Variants in ASRGL1 observed in about 807,000 individuals in gnomAD.
The protein encoded by ASRGL1 is asparaginase and isoaspartyl peptidase 1.
ASRGL1 carries 16 observed loss-of-function variants against 22.4 expected under a neutral mutation model. The observed-to-expected ratio is 0.71, with a 90% confidence interval of 0.48 to 1.08. The LOEUF is 1.08. Among genes scored for constraint, ASRGL1 ranks in the 50% least tolerant of loss-of-function variants. The probability of loss-of-function intolerance (pLI) is 0.00; values close to 1 mark genes in which losing one functional copy is unlikely to be tolerated. For synonymous variants in ASRGL1, 165 were observed against 159.3 expected (o/e 1.04, Z -0.27); for missense variants, 412 against 410.1 (o/e 1.00, Z -0.04).
chr11:62,371,474 A>C, intron 4 of ASRGL1: 1 of 628,736 alleles, frequency 1.6e-6, no homozygotes, highest in Non-Finnish European at 2.8e-6. Context: ...AGGGCTGTGC[A>C]GGCTGTGCTT....
At chr11:62,391,373 C>A (rs1009254602) in intron 5 of ASRGL1, 149 bp from the exon 6 acceptor site, 226 of 1,224,292 alleles carry the variant, frequency 1.8e-4, no homozygotes, top group Non-Finnish European at 2.3e-4. Context: ...TCTAGTCCAC[C>A]TTTGCCTCCG....
intron 1 of ASRGL1, 116 bp downstream of exon 1, chr11:62,337,690 T>C: frequency 2.7e-6 from 1 of 367,836 alleles, no homozygotes; most frequent in African/African-American, 2.1e-5. Context: ...CGCCGGGGCT[T>C]GGAGGCGGGC....
chr11:62,381,028 G>A (rs929965690), intron 4 of ASRGL1, among the ~76,000 whole-genome samples: 2 of 152,168 alleles, frequency 1.3e-5, no homozygotes, highest in Non-Finnish European at 2.9e-5. Flanking sequence ...CTGATTTTCT[G>A]GGGGCGGCCG....
chr11:62,399,544 G>T, the ASRGL1 span, among the ~76,000 whole-genome samples: 1 of 152,330 alleles, frequency 6.6e-6, no homozygotes, highest in Admixed American at 6.5e-5. Context: ...CACTGCTCCT[G>T]TCTCTAACCA....
chr11:62,351,034 A>AT (rs1458757981), intron 2 of ASRGL1, among the ~76,000 whole-genome samples: 1 of 151,986 alleles, frequency 6.6e-6, no homozygotes, highest in East Asian at 1.9e-4. Flanking sequence ...CTTTATATAG[A>AT]TTTTTTAGCT....
chr11:62,356,488 C>T, intron 3 of ASRGL1, 21 bp downstream of exon 3: 1 of 1,612,630 alleles, frequency 6.2e-7, no homozygotes, highest in Non-Finnish European at 8.5e-7. Context: ...CTAAAGCAGC[C>T]TTTTCCTAAT....
At chr11:62,337,773 A>C in intron 1 of ASRGL1, 117 bp from the exon 2 acceptor site, 5 of 508,582 alleles carry the variant, frequency 9.8e-6, no homozygotes, top group Non-Finnish European at 1.4e-5. Flanking sequence ...GCGGAGAGGA[A>C]CGCGGGAGGG....
At chr11:62,372,537 C>A in intron 4 of ASRGL1, 1 of 956,672 alleles carries the variant, frequency 1.0e-6, no homozygotes, top group Non-Finnish European at 1.7e-6. Flanking sequence ...AACTAGTTCC[C>A]CAGCGAGTGG....
chr11:62,379,741 A>G (rs1291754665), intron 4 of ASRGL1, among the ~76,000 whole-genome samples: 2 of 152,068 alleles, frequency 1.3e-5, no homozygotes, highest in Non-Finnish European at 2.9e-5. Context: ...CAATTGTTGT[A>G]TTGTGGTAAC....
intron 4 of ASRGL1, among the ~76,000 whole-genome samples, chr11:62,378,803 G>C (rs1203941400): frequency 6.6e-6 from 1 of 152,064 alleles, no homozygotes; most frequent in Non-Finnish European, 1.5e-5. Context: ...TGTTTTGGTA[G>C]CGGCCACTGA....
intron 2 of ASRGL1, among the ~76,000 whole-genome samples, chr11:62,339,272 GA>G (rs1031173403): frequency 6.6e-6 from 1 of 152,262 alleles, no homozygotes; most frequent in African/African-American, 2.4e-5. Context: ...AGTCCCGCTG[GA>G]ATTTGGTATC....
chr11:62,362,891 A>ATTTTTTTTTTTTT (rs60507577), intron 4 of ASRGL1, among the ~76,000 whole-genome samples: 4 of 50,366 alleles, frequency 7.9e-5, no homozygotes, highest in African/African-American at 1.9e-4. Flanking sequence ...AAAGGATTTA[A>ATTTTTTTTTTTTT]TTTTTTTTTT....
chr11:62,380,866 T>G (rs1947049100), intron 4 of ASRGL1, among the ~76,000 whole-genome samples: 1 of 152,190 alleles, frequency 6.6e-6, no homozygotes, highest in Non-Finnish European at 1.5e-5. Context: ...TTGCCACGCC[T>G]CAATATCTCC....
At position 62,356,512 on chromosome 11, in the gene ASRGL1, T is replaced by C. The variant is rs1409065670; in HGVS notation, c.333+45T>C. The C allele has an allele frequency of 5.6e-6, 9 of 1,597,468 alleles. No homozygotes were observed. In the Admixed American group the frequency reaches 1.5e-4, roughly 27 times the overall value. ...CCTTTTCCTAATGAATTGTTATTGT[T>C]ATACTGCAGTGATAAGGGCTCCAAC... On this transcript the variant is annotated intron_variant, in intron 3 of 6. Coordinates refer to ENST00000415229, the MANE Select transcript of ASRGL1 (RefSeq NM_001083926.2).
chr11:62,373,288 G>A (rs1946824286), intron 4 of ASRGL1: 3 of 655,456 alleles, frequency 4.6e-6, no homozygotes, highest in Non-Finnish European at 8.2e-6. Flanking sequence ...GACCGAAGGT[G>A]CATTTTTATT....
At position 62,392,593 on chromosome 11, in the gene ASRGL1, GA is replaced by G; in HGVS notation, c.*315del. On this transcript the variant is annotated 3_prime_UTR_variant, in exon 7 of 7. Coordinates refer to ENST00000415229, the MANE Select transcript of ASRGL1 (RefSeq NM_001083926.2). Reference sequence around the variant, plus strand: ...CAAAAAAAAAAAAAAAAAGAAAAGGGAAAAAAGAAAGAAAGCAGCAGCATGA... The same window carrying G: ...CAAAAAAAAAAAAAAAAAGAAAAGGGAAAAAGAAAGAAAGCAGCAGCATGA... 1 of 387,586 alleles carries G rather than the reference GA, an allele frequency of 2.6e-6. No individual in the cohort carries two copies. The highest frequency in any genetic ancestry group is 4.8e-6 in the Non-Finnish European group (1 of 210,430). 24.0% of individuals were successfully genotyped at this position (387,586 alleles called of 1,614,324 possible). A position where few individuals can be genotyped will look rare whatever the true frequency, so the allele number is the denominator to read the frequency against.
rs1266378160 is a variant in ASRGL1 at position 62,372,740 on chromosome 11, A to G, written c.491+15596A>G. 10 of 1,511,908 alleles carry G rather than the reference A, an allele frequency of 6.6e-6. No homozygotes were observed. The East Asian group carries it at 2.0e-4, about 31-fold the overall frequency. The allele number at this position is 1,511,908 out of a possible 1,614,324, so 93.7% of individuals were successfully genotyped here. On this transcript the variant is annotated intron_variant, in intron 4 of 6. Coordinates refer to ENST00000415229, the MANE Select transcript of ASRGL1 (RefSeq NM_001083926.2). ...AGATGGTCCCCCGCCTGGTGAAGCT[A>G]TTTGACTTCCCTGGGCATGGGGCTT...
Position 62,393,355 on chromosome 11 carries a change from A to G in ASRGL1, c.*1071A>G, listed in dbSNP as rs1383867484. 1 of 152,206 alleles carries G rather than the reference A, an allele frequency of 6.6e-6. No homozygotes were observed. The highest frequency in any genetic ancestry group is 1.5e-5 in the Non-Finnish European group (1 of 68,040). The allele number at this position is 152,206 out of a possible 1,614,324, so 9.4% of individuals were successfully genotyped here. Reference sequence around the variant, plus strand: ...TCTGTCAGGCTCACCTTCTCTCTGGAAAGAATTTGCTTAACTTGACATTCC... The same window carrying G: ...TCTGTCAGGCTCACCTTCTCTCTGGGAAGAATTTGCTTAACTTGACATTCC... On this transcript the variant is annotated 3_prime_UTR_variant, in exon 7 of 7. Coordinates refer to ENST00000415229, the MANE Select transcript of ASRGL1 (RefSeq NM_001083926.2).
At chr11:62,388,989 C>T in intron 4 of ASRGL1, 144 bp from the exon 5 acceptor site, 4 of 713,058 alleles carry the variant, frequency 5.6e-6, no homozygotes, top group Non-Finnish European at 7.3e-6. Flanking sequence ...TGAGAAGCAG[C>T]AGGTTCTTTC....
Sources: gnomAD v4.1 joint callset for allele counts (sites outside exome capture counted in the v4.1 genomes callset) on GRCh38, gnomAD v4.1.1 for gene constraint, MANE v1.5 for transcripts, NCBI Gene and HGNC (gene_info 2026-07-23, HGNC 2026-07-21) for gene names.